The following PLCB4 variants were observed in gnomAD, a reference collection of about 807,000 sequenced individuals.
PLCB4 encodes 1-phosphatidylinositol 4,5-bisphosphate phosphodiesterase beta-4.
PLCB4 carries 77 observed loss-of-function variants against 178.8 expected under a neutral mutation model. The observed-to-expected ratio is 0.43, with a 90% CI of 0.36 to 0.52. PLCB4 has a LOEUF of 0.52. Among genes scored for constraint, PLCB4 ranks in the 20% least tolerant of loss-of-function variants. PLCB4 has a pLI of 0.00. For missense variants in PLCB4, 1,024 were observed against 1,453.4 expected (o/e 0.70, Z 4.80); for synonymous variants, 496 against 490.8 (o/e 1.01, Z -0.14).
At chr20:9,407,460 C>T (rs796773571) in intron 21 of PLCB4, among the ~76,000 whole-genome samples, 10 of 151,494 alleles carry the variant, frequency 6.6e-5, no homozygotes, top group African/African-American at 2.4e-4. Flanking sequence ...ACCTCTGCCT[C>T]CTGGGTTCAA....
intron 3 of PLCB4, among the ~76,000 whole-genome samples, chr20:9,249,612 G>A (rs2094159557): frequency 6.6e-6 from 1 of 152,046 alleles, no homozygotes; most frequent in Non-Finnish European, 1.5e-5. Flanking sequence ...GCCTCTTAAT[G>A]CCATTTTTCA....
chr20:9,232,218 C>G (rs1191431515), intron 3 of PLCB4, among the ~76,000 whole-genome samples: 1 of 152,070 alleles, frequency 6.6e-6, no homozygotes, highest in Non-Finnish European at 1.5e-5. Flanking sequence ...GGACAGGCCT[C>G]TAATATCTTG....
rs2122390334 is a variant in PLCB4, at chr20:9,457,448, G to A, written c.3031G>A (p.Glu1011Lys). The change falls in exon 34 of 40, where the codon GAA (glutamate) becomes AAA (lysine). Residue 1011 changes from glutamate (E) to lysine (K), a missense_variant. Physicochemically the swap from Glu to Lys is moderately conservative, Grantham distance 56. Coordinates refer to ENST00000378473, the MANE Select transcript of PLCB4 (RefSeq NM_001377142.1). ...SNCLEMKKET[E>K]IKIQTLTSDH... ...TTGTCTCGAAATGAAAAAAGAAACAGAAATCAAAATTCAGACGCTGACATC... is the reference window on the plus strand; with the variant it reads ...TTGTCTCGAAATGAAAAAAGAAACAAAAATCAAAATTCAGACGCTGACATC... 3.2e-6 allele frequency: 5 copies of A among 1,571,946 alleles called. No homozygotes were observed. In the East Asian group the frequency reaches 1.1e-4, roughly 35 times the overall value.
chr20:9,263,685 T>C (rs779563230), intron 3 of PLCB4, among the ~76,000 whole-genome samples: 6 of 152,218 alleles, frequency 3.9e-5, no homozygotes, highest in Non-Finnish European at 2.9e-5. Context: ...TTGGCCAAGC[T>C]TCAGCTAAGA....
intron 3 of PLCB4, among the ~76,000 whole-genome samples, chr20:9,255,551 A>G (rs563099052): frequency 1.3e-5 from 2 of 148,478 alleles, no homozygotes; most frequent in South Asian, 2.1e-4. Flanking sequence ...TAAGTTTAGC[A>G]TAAATTTAAT....
chr20:9,200,952 C>G (rs941315063), intron 2 of PLCB4, among the ~76,000 whole-genome samples: 2 of 152,088 alleles, frequency 1.3e-5, no homozygotes, highest in African/African-American at 4.8e-5. Context: ...CCTGTTCCAT[C>G]TATGGGAATA....
chr20:9,079,046 G>C (rs1407639532), intron 1 of PLCB4, among the ~76,000 whole-genome samples: 1 of 152,160 alleles, frequency 6.6e-6, no homozygotes, highest in Admixed American at 6.5e-5. Flanking sequence ...GTAGAAATAT[G>C]GTGGGACAGT....
intron 4 of PLCB4, among the ~76,000 whole-genome samples, chr20:9,322,578 G>A (rs1184727454): frequency 2.0e-5 from 3 of 152,230 alleles, no homozygotes; most frequent in African/African-American, 7.2e-5. Flanking sequence ...GCTGAGGACA[G>A]CATGCTGGCA....
intron 4 of PLCB4, among the ~76,000 whole-genome samples, chr20:9,332,241 G>T (rs1013922584): frequency 6.6e-6 from 1 of 152,110 alleles, no homozygotes; most frequent in African/African-American, 2.4e-5. Context: ...TCTGACAATG[G>T]GACTTCACAA....
At chr20:9,320,356 A>G (rs562080683) in intron 4 of PLCB4, among the ~76,000 whole-genome samples, 2 of 152,352 alleles carry the variant, frequency 1.3e-5, no homozygotes, top group South Asian at 4.1e-4. Context: ...ATATGAACAT[A>G]TAATGAGCAG....
At chr20:9,177,379 G>A (rs945609818) in intron 2 of PLCB4, among the ~76,000 whole-genome samples, 9 of 152,274 alleles carry the variant, frequency 5.9e-5, no homozygotes, top group African/African-American at 2.2e-4. Context: ...TTAAACTACT[G>A]CTGTTAATTT....
chr20:9,073,864 G>A (rs186584637), intron 1 of PLCB4, among the ~76,000 whole-genome samples: 2 of 150,346 alleles, frequency 1.3e-5, no homozygotes, highest in Non-Finnish European at 3.0e-5. Context: ...CTCTAGCCTG[G>A]GTGACAGAGT....
At chr20:9,169,943 A>C (rs1432000638) in intron 2 of PLCB4, among the ~76,000 whole-genome samples, 1 of 152,102 alleles carries the variant, frequency 6.6e-6, no homozygotes, top group African/African-American at 2.4e-5. Context: ...TGTATATTCC[A>C]GCATGCTTAT....
intron 2 of PLCB4, among the ~76,000 whole-genome samples, chr20:9,165,512 A>G (rs1272694222): frequency 6.6e-6 from 1 of 152,164 alleles, no homozygotes; most frequent in Non-Finnish European, 1.5e-5. Context: ...ACAAAATACA[A>G]TTCTCTCTGG....
chr20:9,165,492 A>T (rs2092954383), intron 2 of PLCB4, among the ~76,000 whole-genome samples: 1 of 152,180 alleles, frequency 6.6e-6, no homozygotes, highest in African/African-American at 2.4e-5. Flanking sequence ...GCATTTTCCA[A>T]ATCTTTCTCA....
intron 4 of PLCB4, among the ~76,000 whole-genome samples, chr20:9,309,810 G>T (rs556470642): frequency 5.3e-5 from 8 of 152,248 alleles, no homozygotes; most frequent in African/African-American, 1.4e-4. Context: ...CTTATTGCTT[G>T]TGTTTTTTTT....
chr20:9,313,219 GTTATAATCAACCTATTAGTTTTTCAACTT>G (rs2094857199), intron 4 of PLCB4, among the ~76,000 whole-genome samples: 1 of 152,136 alleles, frequency 6.6e-6, no homozygotes. Context: ...TTTTTCAACT[GTTATAATCAACCTATTAGTTTTTCAACTT>G]TTATAATCAA....
intron 2 of PLCB4, among the ~76,000 whole-genome samples, chr20:9,172,154 A>T (rs1389839131): frequency 1.3e-5 from 2 of 152,140 alleles, no homozygotes; most frequent in Admixed American, 1.3e-4. Flanking sequence ...AAATAATTTC[A>T]TTTTGTAGAA....
intron 3 of PLCB4, among the ~76,000 whole-genome samples, chr20:9,276,872 G>C (rs1025291619): frequency 1.2e-4 from 19 of 152,100 alleles, no homozygotes; most frequent in Admixed American, 5.9e-4. Context: ...CCCAGTTTCA[G>C]GCTGCAGTGA....
Sources: gnomAD v4.1 joint callset for allele counts (sites outside exome capture counted in the v4.1 genomes callset) on GRCh38, gnomAD v4.1.1 for gene constraint, MANE v1.5 for transcripts, NCBI Gene and HGNC (gene_info 2026-07-23, HGNC 2026-07-21) for gene names.